The following HEXD variants were observed in gnomAD, a reference collection of about 807,000 sequenced individuals.
HEXD encodes hexosaminidase D.
A neutral mutation model predicts 54.2 loss-of-function variants in HEXD; 47 were observed. The observed-to-expected ratio is 0.87, with a 90% CI of 0.69 to 1.11. The LOEUF is 1.11. Ranked by LOEUF, HEXD falls within the 50% of genes least tolerant of loss-of-function variation. HEXD has a pLI of 0.00. For synonymous variants in HEXD, 293 were observed against 287.6 expected, an observed-to-expected ratio of 1.02 and a Z score of -0.19; for missense variants, 576 against 649.2, an observed-to-expected ratio of 0.89 and a Z score of 1.23.
chr17:82,440,006 G>A (rs981059286), intron 9 of HEXD: 14 of 1,393,558 alleles, frequency 1.0e-5, no homozygotes, highest in South Asian at 1.2e-5. Flanking sequence ...GGTGGGGAAC[G>A]GCTCCACCTT....
chr17:82,425,188 G>A (rs1448354257), intron 3 of HEXD, among the ~76,000 whole-genome samples: 4 of 136,074 alleles, frequency 2.9e-5, no homozygotes, highest in Non-Finnish European at 4.7e-5. Flanking sequence ...GGAGGAGGCC[G>A]GAGAAGGCTG....
chr17:82,430,656 TG>T (rs1567888209), intron 4 of HEXD, among the ~76,000 whole-genome samples: 1 of 152,224 alleles, frequency 6.6e-6, no homozygotes. Flanking sequence ...CTCAAAGTAC[TG>T]GGATTACAGG....
chr17:82,424,987 T>A lies in HEXD; in HGVS notation c.194+484T>A, dbSNP rs568519243. ...AAGGTTAGAGAAGGCCAGAGAAGGC[T>A]GGGCTAGAGAAGGCCGGAGAAGGCT... On this transcript the variant is annotated intron_variant, in intron 3 of 12. Transcript: ENST00000327949. Among the ~76,000 whole-genome samples, 9 of 149,640 alleles carry A rather than the reference T, an allele frequency of 6.0e-5. No homozygotes were observed. In the South Asian group the frequency reaches 1.9e-3, roughly 32 times the overall value.
intron 11 of HEXD, 40 bp from the exon 12 acceptor site, chr17:82,441,760 T>C: frequency 6.5e-7 from 1 of 1,547,170 alleles, no homozygotes; most frequent in Non-Finnish European, 8.9e-7. Context: ...CACGGCTGCC[T>C]TGGTAGCCCG....
At chr17:82,432,540 G>A (rs903510369) in intron 4 of HEXD, among the ~76,000 whole-genome samples, 1 of 152,142 alleles carries the variant, frequency 6.6e-6, no homozygotes, top group Non-Finnish European at 1.5e-5. Context: ...TCTGTTCTTA[G>A]GCAAAGTTAG....
chr17:82,421,392 G>A (rs776355676), intron 2 of HEXD, among the ~76,000 whole-genome samples: 14 of 152,204 alleles, frequency 9.2e-5, no homozygotes, highest in Admixed American at 5.2e-4. Context: ...GGGGAAAGGC[G>A]TCCAGAAGAG....
rs1599748895 is a variant in HEXD, at chr17:82,436,917, C to T, written c.703+179C>T. 2.1e-5 allele frequency: 13 copies of T among 631,032 alleles called. No homozygotes were observed. The South Asian group carries it at 2.1e-4, about 10-fold the overall frequency. 39.1% of individuals were successfully genotyped at this position (631,032 alleles called of 1,614,324 possible). On this transcript the variant is annotated intron_variant, in intron 7 of 12. Transcript: ENST00000327949. The stretch of plus-strand genomic sequence containing the variant: ...TCGGGACGGCCACCGTGCACCGGTG[C>T]CTCACCTCCCTCCCTGTTCCACCAG...
At chr17:82,433,130 T>TATATTTA (rs2053656125) in intron 4 of HEXD, among the ~76,000 whole-genome samples, 1 of 20,060 alleles carries the variant, frequency 5.0e-5, no homozygotes, top group Non-Finnish European at 7.6e-5. Flanking sequence ...ATATATATAT[T>TATATTTA]TTTTTTTTTT....
At chr17:82,440,937 T>G in intron 9 of HEXD, 60 bp from the exon 10 acceptor site, 1 of 1,580,988 alleles carries the variant, frequency 6.3e-7, no homozygotes, top group Non-Finnish European at 8.7e-7. Flanking sequence ...CAGGTCCCAA[T>G]GTAGCCCCCT....
rs1410732692 is a variant in HEXD, at chr17:82,433,116, ATATATATATATATTTTTTTTTTTTTTT to A, written c.283-530_283-504del. 6.3e-3 allele frequency among the ~76,000 whole-genome samples: 113 copies of A among 17,898 alleles called. 5 individuals are homozygous for A. Among genetic ancestry groups the A allele is most frequent in the African/African-American group, 0.05 (87 of 1,754 alleles). 11.7% of individuals were successfully genotyped at this position (17,898 alleles called of 152,430 possible). On this transcript the variant is annotated intron_variant, in intron 4 of 12. Coordinates refer to ENST00000327949, the MANE Select transcript of HEXD (RefSeq NM_001330542.2). ...AATATATATATATATATATATATAT[ATATATATATATATTTTTTTTTTTTTTT>A]TATATATATATTTTTAGTCTGGGCG...
chr17:82,430,738 A>AT (rs369954186), intron 4 of HEXD, among the ~76,000 whole-genome samples: 20 of 145,064 alleles, frequency 1.4e-4, no homozygotes, highest in Admixed American at 2.1e-4. Context: ...TGTTTTGCCC[A>AT]TTTTTTTTTT....
At position 82,433,677 on chromosome 17, in the gene HEXD, C is replaced by A; in HGVS notation, c.302C>A (p.Ala101Asp). The stretch of plus-strand genomic sequence containing the variant: ...CCGCAGTTTGTGCTGAAGCACACGG[C>A]CTTCGCCCACCTGCGGGAGGTGGGC... ...GHMEFVLKHT[A>D]FAHLREVGSF... Residue 101 changes from alanine to aspartate, a missense_variant, in exon 5 of 13, where the codon GCC (alanine) becomes GAC (aspartate). By Grantham distance (126) the Ala-to-Asp change is moderately radical. Transcript: ENST00000327949. The A allele has an allele frequency of 6.2e-7, 1 of 1,604,578 alleles. No individual in the cohort carries two copies. The highest frequency in any genetic ancestry group is 8.5e-7 in the Non-Finnish European group (1 of 1,176,706).
At chr17:82,425,771 C>G (rs2053395091) in intron 3 of HEXD, 1 of 152,248 alleles carries the variant, frequency 6.6e-6, no homozygotes, top group African/African-American at 2.4e-5. Flanking sequence ...AGTTTGAGAC[C>G]AGCCTGGGTA....
chr17:82,436,922 C>A, intron 7 of HEXD, 184 bp downstream of exon 7: 1 of 630,312 alleles, frequency 1.6e-6, no homozygotes, highest in Non-Finnish European at 2.8e-6. Flanking sequence ...CGGTGCCTCA[C>A]CTCCCTCCCT....
At chr17:82,424,526 CA>C (rs2053339141) in intron 3 of HEXD, 23 bp downstream of exon 3, 2 of 1,558,476 alleles carry the variant, frequency 1.3e-6, no homozygotes, top group Non-Finnish European at 1.8e-6. Context: ...GTGGCAGGTA[CA>C]GGGGCGCGGC....
At chr17:82,433,311 A>G (rs887239955) in intron 4 of HEXD, among the ~76,000 whole-genome samples, 2 of 150,786 alleles carry the variant, frequency 1.3e-5, no homozygotes, top group South Asian at 2.1e-4. Flanking sequence ...GCGTGGTGGC[A>G]CATGCCTGTA....
chr17:82,421,090 T>G (rs994300512), intron 2 of HEXD, among the ~76,000 whole-genome samples: 1 of 151,934 alleles, frequency 6.6e-6, no homozygotes, highest in Non-Finnish European at 1.5e-5. Flanking sequence ...GAAAATAGCC[T>G]CAAAAGTAAG....
In HEXD at chr17:82,439,688, C is replaced by G; in HGVS notation, c.957C>G (p.Ala319=). 1 of 1,599,154 alleles carries G rather than the reference C, an allele frequency of 6.3e-7. No homozygotes were observed. Among genetic ancestry groups the G allele is most frequent in the Non-Finnish European group, 8.5e-7 (1 of 1,178,378 alleles). The change falls in exon 9 of 13, where the codon GCC becomes GCG. Residue 319 remains alanine, a synonymous_variant. Coordinates refer to ENST00000327949, the MANE Select transcript of HEXD (RefSeq NM_001330542.2). ...TGCCCGCAGGAGTCCCGTCCCTGGCCGCCTGCCTGCAGTTGCTTCTACGCG... is the reference window on the plus strand; with the variant it reads ...TGCCCGCAGGAGTCCCGTCCCTGGCGGCCTGCCTGCAGTTGCTTCTACGCG... ...ELLPAGVPSL[A]ACLQLLLRGG...
intron 2 of HEXD, among the ~76,000 whole-genome samples, chr17:82,422,690 C>G (rs1433842512): frequency 3.3e-5 from 5 of 152,168 alleles, no homozygotes; most frequent in Non-Finnish European, 5.9e-5. Flanking sequence ...AAAAAGCAAA[C>G]AGAGATGAAA....
Sources: allele counts gnomAD v4.1 joint callset (sites outside exome capture counted in the v4.1 genomes callset), GRCh38; gene constraint gnomAD v4.1.1; transcripts MANE v1.5; gene names NCBI Gene and HGNC (gene_info 2026-07-23, HGNC 2026-07-21).